Variants in SDK1 observed in about 807,000 individuals in gnomAD.
SDK1 encodes sidekick cell adhesion molecule 1.
In SDK1, 157 loss-of-function variants were observed where a neutral mutation model predicts 245.5. The ratio of observed to expected loss-of-function variants is 0.64; its 90% CI spans 0.56 to 0.73. SDK1 has a LOEUF of 0.73. Among genes scored for constraint, SDK1 ranks in the 30% least tolerant of loss-of-function variants. The pLI, the probability that SDK1 is intolerant of heterozygous loss-of-function variation, is 0.00. For missense variants in SDK1, 3,583 were observed against 3,002.3 expected, an observed-to-expected ratio of 1.19 and a Z score of -4.52; for synonymous variants, 1,647 against 1,278.5, an observed-to-expected ratio of 1.29 and a Z score of -6.15.
rs545110594 is a variant in SDK1, at chr7:4,191,865, C to T, written c.5098+13279C>T. 1.2e-3 allele frequency among the ~76,000 whole-genome samples: 176 copies of T among 152,310 alleles called. 1 individual carries two copies. The highest frequency in any genetic ancestry group is 4.1e-3 in the African/African-American group (169 of 41,570). On this transcript the variant is annotated intron_variant, in intron 35 of 44. Transcript: ENST00000404826. ...GGGCAGACCACCCCTCCCAGGGCCGCGCGTCACGCACAAAAGTGGGGTTCA... is the reference window on the plus strand; with the variant it reads ...GGGCAGACCACCCCTCCCAGGGCCGTGCGTCACGCACAAAAGTGGGGTTCA...
chr7:4,077,065 G>A lies in SDK1; in HGVS notation c.3078G>A (p.Thr1026=), dbSNP rs61735695. 3,156 of 1,614,134 alleles carry A rather than the reference G, an allele frequency of 2.0e-3. 54 individuals are homozygous for A. In the African/African-American group the frequency reaches 0.035, roughly 18 times the overall value. Residue 1026 remains threonine (T), a synonymous_variant, in exon 21 of 45, where the codon ACG becomes ACA. Transcript: ENST00000404826. ...DSRLTHTLNS[T]THEYKIQGLS... is the part of the protein sequence containing the mutation. ...GTCTCACGCACACCCTGAACAGCAC[G>A]ACGCACGAGTACAAGATCCAAGGCC...
chr7:3,985,793 G>C (rs552403818), intron 13 of SDK1, among the ~76,000 whole-genome samples: 1 of 152,184 alleles, frequency 6.6e-6, no homozygotes, highest in African/African-American at 2.4e-5. Flanking sequence ...TAAATGGTGC[G>C]TATGGGTTAG....
At chr7:3,770,187 A>G (rs1780369265) in intron 4 of SDK1, among the ~76,000 whole-genome samples, 2 of 152,276 alleles carry the variant, frequency 1.3e-5, no homozygotes, top group Admixed American at 6.5e-5. Flanking sequence ...TGTCATTTCA[A>G]GAATATTCTC....
intron 35 of SDK1, among the ~76,000 whole-genome samples, chr7:4,204,842 C>A (rs1257255032): frequency 6.6e-6 from 1 of 152,132 alleles, no homozygotes; most frequent in Non-Finnish European, 1.5e-5. Context: ...AGAGAATAGG[C>A]CGTCAAGAGA....
At position 3,459,320 on chromosome 7, in the gene SDK1, C is replaced by T. The variant is rs186344890; in HGVS notation, c.298+157436C>T. ...GTCATACTTTTTGTATGGCTCATCA[C>T]TTTTAAATGTTGCTGGTTTCAAAAG... is the stretch of plus-strand genomic sequence containing the variant. On this transcript the variant is annotated intron_variant, in intron 1 of 44. Transcript: ENST00000404826. 4.2e-3 allele frequency among the ~76,000 whole-genome samples: 636 copies of T among 152,242 alleles called. 7 individuals carry two copies. The highest frequency in any genetic ancestry group is 0.018 in the South Asian group (87 of 4,824).
intron 44 of SDK1, among the ~76,000 whole-genome samples, chr7:4,256,955 G>T (rs1224250079): frequency 6.6e-6 from 1 of 152,164 alleles, no homozygotes; most frequent in Non-Finnish European, 1.5e-5. Flanking sequence ...TTCCTGATCG[G>T]AGGTGCTCCT....
chr7:4,208,704 G>A (rs1203646966), intron 37 of SDK1, among the ~76,000 whole-genome samples: 1 of 152,184 alleles, frequency 6.6e-6, no homozygotes, highest in Non-Finnish European at 1.5e-5. Flanking sequence ...GTAAATCCAG[G>A]CCACAGCGAC....
At chr7:3,794,179 C>T (rs144911262) in intron 4 of SDK1, among the ~76,000 whole-genome samples, 4 of 152,190 alleles carry the variant, frequency 2.6e-5, no homozygotes, top group East Asian at 1.9e-4. Context: ...AGGAGAACGG[C>T]GTGAATGTGG....
At chr7:3,959,109 A>G (rs1781478297) in intron 8 of SDK1, 95 bp downstream of exon 8, 3 of 938,076 alleles carry the variant, frequency 3.2e-6, no homozygotes, top group South Asian at 1.3e-5. Context: ...CTAGGGAGAC[A>G]TTGAGTGTGA....
intron 4 of SDK1, among the ~76,000 whole-genome samples, chr7:3,710,464 A>G (rs1330721120): frequency 6.6e-6 from 1 of 152,238 alleles, no homozygotes; most frequent in African/African-American, 2.4e-5. Context: ...ATTAAGGACT[A>G]ATGTCATTAG....
chr7:3,700,461 A>G (rs1305260807), intron 4 of SDK1, among the ~76,000 whole-genome samples: 5 of 152,202 alleles, frequency 3.3e-5, no homozygotes. Context: ...TAAGGTTTTT[A>G]TACTTAAACT....
intron 1 of SDK1, among the ~76,000 whole-genome samples, chr7:3,465,256 C>T (rs368126106): frequency 4.6e-5 from 7 of 152,092 alleles, no homozygotes; most frequent in Non-Finnish European, 1.0e-4. Flanking sequence ...CCCAGTTGGC[C>T]AACTGCGACA....
chr7:4,236,948 C>G (rs1324764994), intron 41 of SDK1, among the ~76,000 whole-genome samples: 2 of 152,082 alleles, frequency 1.3e-5, no homozygotes, highest in African/African-American at 4.8e-5. Flanking sequence ...GTTCTGTCAC[C>G]CAGGCTGGAG....
chr7:3,631,153 C>G (rs1024678406), intron 2 of SDK1, among the ~76,000 whole-genome samples: 1 of 152,120 alleles, frequency 6.6e-6, no homozygotes, highest in South Asian at 2.1e-4. Context: ...AGGCTGGTCT[C>G]GAACTTCTGG....
intron 25 of SDK1, among the ~76,000 whole-genome samples, chr7:4,118,148 A>G (rs1783832774): frequency 6.6e-6 from 1 of 152,174 alleles, no homozygotes; most frequent in East Asian, 1.9e-4. Flanking sequence ...AATGAAAAAA[A>G]CTCCCCAAAT....
chr7:3,467,387 A>G (rs946029054), intron 1 of SDK1, among the ~76,000 whole-genome samples: 21 of 152,092 alleles, frequency 1.4e-4, no homozygotes, highest in African/African-American at 5.1e-4. Context: ...TGCCCACTGT[A>G]CTTTTGGTAT....
At chr7:3,505,689 C>T (rs1253599960) in intron 1 of SDK1, among the ~76,000 whole-genome samples, 2 of 152,180 alleles carry the variant, frequency 1.3e-5, no homozygotes, top group South Asian at 2.1e-4. Context: ...ACTCGGCCCT[C>T]TATGTCTGTG....
chr7:3,964,262 T>C (rs1781923538), intron 9 of SDK1, among the ~76,000 whole-genome samples: 1 of 152,190 alleles, frequency 6.6e-6, no homozygotes, highest in South Asian at 2.1e-4. Context: ...GGGAAACTGC[T>C]GAGGCCCACA....
intron 28 of SDK1, among the ~76,000 whole-genome samples, chr7:4,144,753 C>A (rs1779838232): frequency 6.6e-6 from 1 of 152,128 alleles, no homozygotes; most frequent in Non-Finnish European, 1.5e-5. Context: ...AGAGGGTGAG[C>A]CACCAGTGCA....
Sources: allele counts gnomAD v4.1 joint callset (sites outside exome capture counted in the v4.1 genomes callset), GRCh38; gene constraint gnomAD v4.1.1; transcripts MANE v1.5; gene names NCBI Gene and HGNC (gene_info 2026-07-23, HGNC 2026-07-21).